Variants in SLIT2 observed in about 807,000 individuals in gnomAD.
SLIT2 encodes slit guidance ligand 2.
SLIT2 carries 41 observed loss-of-function variants against 185.7 expected under a neutral mutation model. That is an observed-to-expected ratio of 0.22 (90% CI 0.17 to 0.29). The LOEUF (loss-of-function observed/expected upper bound fraction) is 0.29. Among genes scored for constraint, SLIT2 ranks in the 10% least tolerant of loss-of-function variants. The pLI is 1.00. For synonymous variants in SLIT2, 693 were observed against 680.2 expected, an observed-to-expected ratio of 1.02 and a Z score of -0.29; for missense variants, 1,571 against 1,909.0, an observed-to-expected ratio of 0.82 and a Z score of 3.30.
Position 20,263,314 on chromosome 4 carries a change from A to ATTTGATC in SLIT2, c.323+5377_323+5383dup, listed in dbSNP as rs542360781. Among the ~76,000 whole-genome samples, 279 of 141,204 alleles carry ATTTGATC rather than the reference A, an allele frequency of 2.0e-3. 1 individual carries two copies. The Middle Eastern group carries it at 0.027, about 14-fold the overall frequency. The allele number at this position is 141,204 out of a possible 152,430, so 92.6% of individuals were successfully genotyped here. ...ACGAAAGCTTGATAATAGGGCTGTGATTTGATCTCATCAATATTGCTTTAC... is the reference window on the plus strand; with the variant it reads ...ACGAAAGCTTGATAATAGGGCTGTGATTTGATCTTTGATCTCATCAATATTGCTTTAC... On this transcript the variant is annotated intron_variant, in intron 3 of 36. Transcript: ENST00000504154.
rs1349047424 is a variant in SLIT2, at chr4:20,388,836, T to C, written c.396-78916T>C. On this transcript the variant is annotated intron_variant, in intron 4 of 36. Coordinates refer to ENST00000504154, the MANE Select transcript of SLIT2 (RefSeq NM_004787.4). ...TATGTAAAATATATATAATATATAA[T>C]ATATATAAAATATGTATTATATATA... is the stretch of plus-strand genomic sequence containing the variant. Among the ~76,000 whole-genome samples the C allele has an allele frequency of 2.8e-5, 4 of 145,098 alleles. No individual in the cohort carries two copies. The East Asian group carries it at 5.9e-4, about 21-fold the overall frequency.
At chr4:20,473,289 G>T (rs1411088601) in intron 5 of SLIT2, among the ~76,000 whole-genome samples, 1 of 151,892 alleles carries the variant, frequency 6.6e-6, no homozygotes, top group Non-Finnish European at 1.5e-5. Flanking sequence ...GGAACAAAAT[G>T]CTTCTTGGTT....
intron 20 of SLIT2, 24 bp downstream of exon 20, chr4:20,541,643 T>G (rs773059049): frequency 3.1e-6 from 5 of 1,607,178 alleles, no homozygotes; most frequent in Non-Finnish European, 3.4e-6. Flanking sequence ...ATCAACTCTT[T>G]GATTGTCAGG....
chr4:20,548,494 A>T lies in SLIT2; in HGVS notation c.2352A>T (p.Leu784Phe). The change falls in exon 23 of 37, where the codon TTA (leucine) becomes TTT (phenylalanine). Residue 784 changes from leucine to phenylalanine, a missense_variant. By Grantham distance (22) the Leu-to-Phe change is conservative. Coordinates refer to ENST00000504154, the MANE Select transcript of SLIT2 (RefSeq NM_004787.4). The part of the protein sequence containing the change: ...SNYKHLTLID[L>F]SNNRISTLSN... Reference sequence around the variant, plus strand: ...ATTTCTTTTTCTCTTTTAGAGACTTAAGTAACAACAGAATAAGCACGCTTT... The same window carrying T: ...ATTTCTTTTTCTCTTTTAGAGACTTTAGTAACAACAGAATAAGCACGCTTT... 1 of 1,576,398 alleles carries T rather than the reference A, an allele frequency of 6.3e-7. No individual in the cohort carries two copies. Among genetic ancestry groups the T allele is most frequent in the Non-Finnish European group, 8.7e-7 (1 of 1,146,046 alleles).
chr4:20,320,419 A>T (rs1414620170), intron 4 of SLIT2, among the ~76,000 whole-genome samples: 2 of 152,118 alleles, frequency 1.3e-5, no homozygotes, highest in African/African-American at 4.8e-5. Flanking sequence ...AAGTTATTCA[A>T]CTTATTCTGA....
intron 4 of SLIT2, among the ~76,000 whole-genome samples, chr4:20,367,940 G>A (rs61789392): frequency 0.075 from 11,457 of 152,032 alleles, 587 homozygotes; most frequent in South Asian, 0.17. Flanking sequence ...GAAGAGAGAG[G>A]TCCCTTTCCT....
chr4:20,282,483 A>G (rs1268255212), intron 4 of SLIT2, among the ~76,000 whole-genome samples: 3 of 152,174 alleles, frequency 2.0e-5, no homozygotes, highest in Non-Finnish European at 4.4e-5. Flanking sequence ...CTTATCTTCA[A>G]TTCTCAAGAA....
rs149957759 is a variant in SLIT2, at chr4:20,436,611, G to A, written c.396-31141G>A. ...ATTCAAATCACGTATTTAGATTGAG[G>A]TCTACAAACTGTAACCTAAAGTGAA... is the stretch of plus-strand genomic sequence containing the variant. On this transcript the variant is annotated intron_variant, in intron 4 of 36. Coordinates refer to ENST00000504154, the MANE Select transcript of SLIT2 (RefSeq NM_004787.4). Among the ~76,000 whole-genome samples, 995 of 152,254 alleles carry A rather than the reference G, an allele frequency of 6.5e-3. 6 individuals are homozygous for A. The highest frequency in any genetic ancestry group is 0.01 in the Middle Eastern group (3 of 294).
intron 26 of SLIT2, among the ~76,000 whole-genome samples, chr4:20,557,327 G>T (rs922780670): frequency 1.3e-5 from 2 of 152,038 alleles, no homozygotes; most frequent in Non-Finnish European, 2.9e-5. Context: ...CAGAGGACAG[G>T]CTGACTGTCT....
intron 4 of SLIT2, among the ~76,000 whole-genome samples, chr4:20,290,852 C>A (rs1192287867): frequency 2.0e-5 from 3 of 149,568 alleles, no homozygotes; most frequent in African/African-American, 7.4e-5. Flanking sequence ...TTCGTAATAA[C>A]CTATATATCA....
chr4:20,513,125 G>A (rs1719904766), intron 11 of SLIT2, among the ~76,000 whole-genome samples: 1 of 152,130 alleles, frequency 6.6e-6, no homozygotes, highest in East Asian at 1.9e-4. Context: ...AAGGCCTCAT[G>A]ATGAGAGCAC....
At chr4:20,504,719 AT>A (rs1719041483) in intron 9 of SLIT2, among the ~76,000 whole-genome samples, 1 of 152,088 alleles carries the variant, frequency 6.6e-6, no homozygotes, top group Non-Finnish European at 1.5e-5. Context: ...TACACATATA[AT>A]TTTATAGTGT....
intron 4 of SLIT2, among the ~76,000 whole-genome samples, chr4:20,328,483 A>G (rs905410245): frequency 2.2e-4 from 34 of 152,070 alleles, no homozygotes; most frequent in African/African-American, 7.7e-4. Flanking sequence ...AATGTTAGTT[A>G]ATGTACTCCA....
intron 4 of SLIT2, among the ~76,000 whole-genome samples, chr4:20,464,740 G>C (rs1412363617): frequency 6.6e-6 from 1 of 151,994 alleles, no homozygotes; most frequent in Admixed American, 6.6e-5. Context: ...CCTGATTTTT[G>C]CCGTTCCTCC....
intron 3 of SLIT2, among the ~76,000 whole-genome samples, chr4:20,262,078 A>G (rs1712530998): frequency 6.6e-6 from 1 of 151,898 alleles, no homozygotes; most frequent in Non-Finnish European, 1.5e-5. Flanking sequence ...CAAGCTGTTA[A>G]CTTAGACATT....
intron 4 of SLIT2, among the ~76,000 whole-genome samples, chr4:20,416,500 A>G (rs1196548671): frequency 1.3e-5 from 2 of 152,138 alleles, no homozygotes; most frequent in East Asian, 1.9e-4. Flanking sequence ...GGGAGACACA[A>G]TTTAATCCAT....
Position 20,617,375 on chromosome 4 carries a change from C to T in SLIT2, c.4137-64C>T. The T allele has an allele frequency of 7.3e-6, 11 of 1,498,368 alleles. No homozygotes were observed. In the South Asian group the frequency reaches 1.3e-4, roughly 17 times the overall value. 92.8% of individuals were successfully genotyped at this position (1,498,368 alleles called of 1,614,324 possible). On this transcript the variant is annotated intron_variant, in intron 35 of 36. Transcript: ENST00000504154. ...TCAATCATCCTCCATTCTTATATCA[C>T]CTCCGTTCATTCTTACCTCCTCTTC...
At chr4:20,420,514 C>A (rs981171490) in intron 4 of SLIT2, among the ~76,000 whole-genome samples, 3 of 152,030 alleles carry the variant, frequency 2.0e-5, no homozygotes, top group Non-Finnish European at 4.4e-5. Context: ...TATTAGGTAT[C>A]AAGTGTTTTA....
At chr4:20,396,027 C>G (rs182955764) in intron 4 of SLIT2, among the ~76,000 whole-genome samples, 1 of 151,394 alleles carries the variant, frequency 6.6e-6, no homozygotes, top group Non-Finnish European at 1.5e-5. Flanking sequence ...TTAAAAGTAC[C>G]CCCCCAAACT....
Sources: allele counts gnomAD v4.1 joint callset (sites outside exome capture counted in the v4.1 genomes callset), GRCh38; gene constraint gnomAD v4.1.1; transcripts MANE v1.5; gene names NCBI Gene and HGNC (gene_info 2026-07-23, HGNC 2026-07-21).